The following PIGG variants were observed in gnomAD, a reference collection of about 807,000 sequenced individuals.
PIGG encodes the protein phosphatidylinositol glycan anchor biosynthesis class G (EMM blood group), also known as GPI ethanolamine phosphate transferase 2, catalytic subunit.
In PIGG, 70 loss-of-function variants were observed where a neutral mutation model predicts 83.2. That is an observed-to-expected ratio of 0.84 (90% CI 0.69 to 1.03). The LOEUF is 1.03. PIGG is among the 50% of genes least tolerant of loss of function. The probability of loss-of-function intolerance (pLI) is 0.00; values close to 1 mark genes in which losing one functional copy is unlikely to be tolerated. For missense variants in PIGG, 1,257 were observed against 1,233.6 expected (o/e 1.02, Z -0.28); for synonymous variants, 532 against 519.5 (o/e 1.02, Z -0.33).
intron 7 of PIGG, 52 bp downstream of exon 7, chr4:521,325 C>T (rs1411021300): frequency 8.4e-7 from 1 of 1,185,962 alleles, no homozygotes; most frequent in South Asian, 1.3e-5. Flanking sequence ...TTTGATAACT[C>T]AGCCAAATAT....
chr4:511,667 C>T (rs1364751714), intron 5 of PIGG, among the ~76,000 whole-genome samples: 2 of 152,342 alleles, frequency 1.3e-5, no homozygotes, highest in Middle Eastern at 3.4e-3. Context: ...TAGTGTCTTT[C>T]ATAATTATAT....
At chr4:512,123 T>G (rs924612362) in intron 5 of PIGG, among the ~76,000 whole-genome samples, 2 of 152,184 alleles carry the variant, frequency 1.3e-5, no homozygotes, top group Non-Finnish European at 2.9e-5. Flanking sequence ...GCATAATCTC[T>G]ATTGATCTAT....
intron 11 of PIGG, chr4:533,584 C>T: frequency 8.9e-6 from 5 of 563,274 alleles, no homozygotes; most frequent in Non-Finnish European, 1.6e-5. Flanking sequence ...CGCTCACGTG[C>T]CCTTCCGCAG....
intron 2 of PIGG, 120 bp from the exon 3 acceptor site, chr4:505,598 A>G (rs1719362409): frequency 4.4e-6 from 3 of 675,162 alleles, no homozygotes; most frequent in Non-Finnish European, 7.5e-6. Flanking sequence ...GCATGACTGC[A>G]CTCCATCCTG....
intron 1 of PIGG, chr4:499,690 G>A: frequency 1.4e-6 from 2 of 1,400,814 alleles, no homozygotes; most frequent in Non-Finnish European, 1.8e-6. Flanking sequence ...CACCTCTACT[G>A]GCCCCACTTC....
intron 1 of PIGG, chr4:499,702 ACCTT>A (rs1553874487): frequency 7.2e-7 from 1 of 1,388,800 alleles, no homozygotes; most frequent in African/African-American, 1.5e-5. Context: ...CCCCACTTCG[ACCTT>A]CCTTCCTGAT....
At chr4:524,552 G>A (rs1287389097) in intron 9 of PIGG, 2 of 152,338 alleles carry the variant, frequency 1.3e-5, no homozygotes, top group African/African-American at 4.8e-5. Flanking sequence ...CAGCTCTCTT[G>A]TGAACAGCCA....
At chr4:534,380 G>A (rs1212990064) in intron 12 of PIGG, among the ~76,000 whole-genome samples, 5 of 152,248 alleles carry the variant, frequency 3.3e-5, no homozygotes, top group Non-Finnish European at 7.3e-5. Context: ...GATAAAAGAC[G>A]GCTCTCGGCC....
chr4:512,588 G>A (rs188789740), intron 5 of PIGG, among the ~76,000 whole-genome samples: 129 of 152,014 alleles, frequency 8.5e-4, no homozygotes, highest in African/African-American at 2.8e-3. Flanking sequence ...AGGCCAAGGC[G>A]GGTGGATCAC....
At chr4:508,697 A>C in intron 4 of PIGG, 132 bp from the exon 5 acceptor site, 1 of 741,664 alleles carries the variant, frequency 1.3e-6, no homozygotes, top group Non-Finnish European at 2.2e-6. Flanking sequence ...AGCTCATAGG[A>C]AAAAAAAATC....
chr4:506,786 T>G (rs150136955), intron 3 of PIGG: 3 of 456,258 alleles, frequency 6.6e-6, no homozygotes, highest in East Asian at 6.9e-5. Flanking sequence ...TTGAGTGCTG[T>G]GTCTTTTTCA....
At chr4:518,957 T>C (rs1724862166) in intron 6 of PIGG, among the ~76,000 whole-genome samples, 1 of 152,168 alleles carries the variant, frequency 6.6e-6, no homozygotes, top group South Asian at 2.1e-4. Flanking sequence ...GACCGGCTTT[T>C]TCTCACCTCT....
At chr4:533,695 C>T (rs1433516104) in intron 11 of PIGG, 123 bp from the exon 12 acceptor site, 5 of 853,888 alleles carry the variant, frequency 5.9e-6, no homozygotes, top group East Asian at 2.6e-5. Context: ...CACGTGTGTC[C>T]GTGCCGGCGT....
intron 12 of PIGG, chr4:537,236 T>TCAAAAACG (rs1300789991): frequency 1.3e-5 from 2 of 152,048 alleles, no homozygotes; most frequent in East Asian, 3.9e-4. Context: ...TTCCAAAAGG[T>TCAAAAACG]CAAAAACGTG....
At chr4:526,774 C>T (rs906516283) in intron 9 of PIGG, among the ~76,000 whole-genome samples, 1 of 150,866 alleles carries the variant, frequency 6.6e-6, no homozygotes, top group African/African-American at 2.4e-5. Flanking sequence ...TCTCAAATTC[C>T]TGGCCTCAAG....
In PIGG at chr4:502,617, G is replaced by C. The variant is rs190782025; in HGVS notation, c.360+2016G>C. 1.9e-4 allele frequency among the ~76,000 whole-genome samples: 29 copies of C among 152,186 alleles called. No homozygotes were observed. In the East Asian group the frequency reaches 5.2e-3, roughly 27 times the overall value. ...AAAGAACTTTCTGGTCATAATAATA[G>C]CTGGCATTGATTGACAGACCTGAGC... On this transcript the variant is annotated intron_variant, in intron 2 of 12. Coordinates refer to ENST00000453061, the MANE Select transcript of PIGG (RefSeq NM_001127178.3).
Position 507,500 on chromosome 4 carries a change from C to G in PIGG, c.666C>G (p.Gly222=), listed in dbSNP as rs1186682475. 1.9e-6 allele frequency: 3 copies of G among 1,614,048 alleles called. No individual in the cohort carries two copies. Among genetic ancestry groups the G allele is most frequent in the Non-Finnish European group, 2.5e-6 (3 of 1,179,900 alleles). The change falls in exon 4 of 13, where the codon GGC becomes GGG. Residue 222 remains glycine, a synonymous_variant. Coordinates refer to ENST00000453061, the MANE Select transcript of PIGG (RefSeq NM_001127178.3). ...ACTACCTGGGGCTGGACCACATTGG[C>G]CACATTTCAGGGCCCAACAGCCCCC... The part of the protein sequence containing the change: ...ILHYLGLDHI[G]HISGPNSPLI...
chr4:506,434 A>G (rs2108793765), intron 3 of PIGG, among the ~76,000 whole-genome samples: 1 of 152,282 alleles, frequency 6.6e-6, no homozygotes, highest in African/African-American at 2.4e-5. Context: ...TGCATGTTAG[A>G]AAGCAGACCT....
At position 530,722 on chromosome 4, in the gene PIGG, G is replaced by A; in HGVS notation, c.2548G>A (p.Gly850Ser). The change falls in exon 11 of 13, where the codon GGT becomes AGT. Residue 850 changes from glycine (G) to serine (S), a missense_variant. Physicochemically the swap from Gly to Ser is moderately conservative, Grantham distance 56 (BLOSUM62 0). Transcript: ENST00000453061. The part of the protein sequence containing the change: ...AEITVMHYWF[G>S]QAFFYFQGNS... ...GATTACTGTGATGCATTATTGGTTT[G>A]GTCAAGCATTCTTCTATTTTCAGGT... 1 of 1,609,414 alleles carries A rather than the reference G, an allele frequency of 6.2e-7. No individual in the cohort carries two copies. Among genetic ancestry groups the A allele is most frequent in the Non-Finnish European group, 8.5e-7 (1 of 1,176,302 alleles).
Sources: gnomAD v4.1 joint callset for allele counts (sites outside exome capture counted in the v4.1 genomes callset) on GRCh38, gnomAD v4.1.1 for gene constraint, MANE v1.5 for transcripts, NCBI Gene and HGNC (gene_info 2026-07-23, HGNC 2026-07-21) for gene names.